PTBP3: variants seen among roughly 807,000 people sequenced by gnomAD.
PTBP3 encodes the protein polypyrimidine tract binding protein 3.
Under a neutral mutation model 58.7 loss-of-function variants are expected in PTBP3, and 20 were observed. The observed-to-expected ratio is 0.34, with a 90% confidence interval of 0.24 to 0.50. The LOEUF (loss-of-function observed/expected upper bound fraction) is 0.50, where lower values mean the gene tolerates loss of function less well. Ranked by LOEUF, PTBP3 falls within the 20% of genes least tolerant of loss-of-function variation. PTBP3 has a pLI of 0.98. For synonymous variants in PTBP3, 185 were observed against 219.8 expected (o/e 0.84, Z 1.40); for missense variants, 509 against 637.2 (o/e 0.80, Z 2.17).
chr9:112,302,737 C>T (rs1016055696), intron 1 of PTBP3, among the ~76,000 whole-genome samples: 1 of 151,802 alleles, frequency 6.6e-6, no homozygotes, highest in Admixed American at 6.6e-5. Flanking sequence ...TACAGGTGTC[C>T]GCCCACAACA....
At chr9:112,370,290 C>G in the PTBP3 span, among the ~76,000 whole-genome samples, 1 of 152,054 alleles carries the variant, frequency 6.6e-6, no homozygotes, top group Non-Finnish European at 1.5e-5. Context: ...GCCTGTAATC[C>G]CAGCACTTTG....
chr9:112,320,314 A>ATATATATATATATTTTT, intron 1 of PTBP3, among the ~76,000 whole-genome samples: 876 of 75,436 alleles, frequency 0.012, 13 homozygotes, highest in Non-Finnish European at 0.015. Flanking sequence ...ATATATATAT[A>ATATATATATATATTTTT]TTTTTTTTTA....
intron 2 of PTBP3, among the ~76,000 whole-genome samples, chr9:112,283,687 T>C (rs552861201): frequency 6.6e-6 from 1 of 152,354 alleles, no homozygotes; most frequent in African/African-American, 2.4e-5. Flanking sequence ...CAAATGTTAA[T>C]TGCCAAGACG....
the PTBP3 span, chr9:112,362,817 G>A: frequency 1.3e-5 from 4 of 311,610 alleles, no homozygotes; most frequent in Middle Eastern, 8.7e-4. Context: ...AAGCATAACC[G>A]GTGGAAACCC....
intron 8 of PTBP3, among the ~76,000 whole-genome samples, chr9:112,233,392 TAATA>T (rs1000634163): frequency 1.5e-4 from 22 of 151,548 alleles, no homozygotes; most frequent in East Asian, 5.8e-4. Context: ...TAATATTAAT[TAATA>T]TTTATATATA....
At chr9:112,299,477 G>T (rs961355513) in intron 1 of PTBP3, among the ~76,000 whole-genome samples, 1 of 152,070 alleles carries the variant, frequency 6.6e-6, no homozygotes, top group Admixed American at 6.6e-5. Context: ...CCAACAAAGG[G>T]TTTATATCCA....
chr9:112,296,515 G>A (rs1400031074), intron 2 of PTBP3, among the ~76,000 whole-genome samples: 1 of 151,946 alleles, frequency 6.6e-6, no homozygotes, highest in East Asian at 1.9e-4. Flanking sequence ...CTCCTGGTCT[G>A]GAAAAGGAGG....
the PTBP3 span, among the ~76,000 whole-genome samples, chr9:112,372,208 C>T: frequency 6.6e-6 from 1 of 152,038 alleles, no homozygotes; most frequent in Non-Finnish European, 1.5e-5. Context: ...TCCTGAGTAC[C>T]TGGAACTACA....
At chr9:112,295,272 T>C (rs10739340) in intron 2 of PTBP3, among the ~76,000 whole-genome samples, 73,428 of 150,574 alleles carry the variant, frequency 0.49, 18,273 homozygotes, top group African/African-American at 0.58. Flanking sequence ...GAAGTTAATC[T>C]CTTGCTCACA....
chr9:112,333,318 G>A lies in PTBP3; in HGVS notation c.-52+152C>T. The A allele has an allele frequency of 3.9e-6, 4 of 1,016,932 alleles. No homozygotes were observed. The East Asian group carries it at 1.4e-4, about 34-fold the overall frequency. The allele number at this position is 1,016,932 out of a possible 1,614,324, so 63.0% of individuals were successfully genotyped here. A position where few individuals can be genotyped will look rare whatever the true frequency, so the allele number is the denominator to read the frequency against. On this transcript the variant is annotated intron_variant, in intron 1 of 13. Transcript: ENST00000374257. ...GCGATTCCGGGATCCCCACCGAGACGCCCGGAAGCCCCGCCGTCGGGCTTG... is the reference window on the plus strand; with the variant it reads ...GCGATTCCGGGATCCCCACCGAGACACCCGGAAGCCCCGCCGTCGGGCTTG...
chr9:112,300,894 A>G (rs1828895203), intron 1 of PTBP3, among the ~76,000 whole-genome samples: 1 of 152,202 alleles, frequency 6.6e-6, no homozygotes, highest in Non-Finnish European at 1.5e-5. Context: ...TCAAGAGTTC[A>G]AGACCAACGT....
chr9:112,335,501 G>A (rs1344408213), upstream of PTBP3, among the ~76,000 whole-genome samples: 2 of 151,076 alleles, frequency 1.3e-5, no homozygotes, highest in African/African-American at 2.4e-5. Context: ...GGTCAGGCTG[G>A]TCTCGAACTC....
chr9:112,355,951 TTTC>T, the PTBP3 span, among the ~76,000 whole-genome samples: 1 of 92,522 alleles, frequency 1.1e-5, no homozygotes, highest in Admixed American at 1.1e-4. Flanking sequence ...CTTTTCTTTC[TTTC>T]TTTCTCTTTC....
intron 10 of PTBP3, among the ~76,000 whole-genome samples, 163 bp downstream of exon 10, chr9:112,231,217 A>C (rs1175444086): frequency 1.4e-5 from 2 of 146,898 alleles, no homozygotes; most frequent in Non-Finnish European, 2.9e-5. Flanking sequence ...TTCCCATACT[A>C]TAAATCATCA....
chr9:112,332,178 A>G (rs1344868651), intron 1 of PTBP3, among the ~76,000 whole-genome samples: 1 of 152,218 alleles, frequency 6.6e-6, no homozygotes, highest in African/African-American at 2.4e-5. Flanking sequence ...CAAAAAAGTT[A>G]TAATTTTAAG....
Position 112,231,947 on chromosome 9 carries a change from G to C in PTBP3, c.1020+152C>G, listed in dbSNP as rs140040933. The stretch of plus-strand genomic sequence containing the variant: ...GAGAAGAGAAGAGAAGAGAAGAGAA[G>C]AGAAGAGAAGAGAAGAGAAGAGAGA... On this transcript the variant is annotated intron_variant, in intron 9 of 13. Coordinates refer to ENST00000374257, the MANE Select transcript of PTBP3 (RefSeq NM_001163788.4). 4.9e-4 allele frequency: 207 copies of C among 422,220 alleles called. No individual in the cohort carries two copies. The African/African-American group carries it at 7.5e-3, about 15-fold the overall frequency. 26.2% of individuals were successfully genotyped at this position (422,220 alleles called of 1,614,324 possible). A position where few individuals can be genotyped will look rare whatever the true frequency, so the allele number is the denominator to read the frequency against.
the PTBP3 span, among the ~76,000 whole-genome samples, chr9:112,372,204 G>C: frequency 6.6e-6 from 1 of 151,984 alleles, no homozygotes; most frequent in Non-Finnish European, 1.5e-5. Flanking sequence ...GCCCTCCTGA[G>C]TACCTGGAAC....
At chr9:112,332,717 A>G (rs1830425207) in intron 1 of PTBP3, 1 of 1,578,340 alleles carries the variant, frequency 6.3e-7, no homozygotes, top group South Asian at 1.1e-5. Flanking sequence ...TTGGTCACGG[A>G]CCCCCATTAA....
intron 7 of PTBP3, among the ~76,000 whole-genome samples, chr9:112,245,368 C>T (rs1835836981): frequency 6.6e-6 from 1 of 152,168 alleles, no homozygotes; most frequent in African/African-American, 2.4e-5. Context: ...GAAACCACTT[C>T]TGTGTAATCT....
Sources: gnomAD v4.1 joint callset for allele counts (sites outside exome capture counted in the v4.1 genomes callset) on GRCh38, gnomAD v4.1.1 for gene constraint, MANE v1.5 for transcripts, NCBI Gene and HGNC (gene_info 2026-07-23, HGNC 2026-07-21) for gene names.